PATJ: variants seen among roughly 807,000 people sequenced by gnomAD.
The protein encoded by PATJ is PATJ crumbs cell polarity complex component.
In PATJ, 190 loss-of-function variants were observed where a neutral mutation model predicts 224.9. The observed-to-expected ratio is 0.84, with a 90% CI of 0.75 to 0.95. The LOEUF is 0.95. Ranked by LOEUF, PATJ falls within the 40% of genes least tolerant of loss-of-function variation. The pLI is 0.00. For synonymous variants in PATJ, 769 were observed against 820.3 expected, an observed-to-expected ratio of 0.94 and a Z score of 1.07; for missense variants, 2,121 against 2,270.3, an observed-to-expected ratio of 0.93 and a Z score of 1.34.
In PATJ at chr1:61,771,594, A is replaced by G. The variant is rs768745497; in HGVS notation, c.688A>G (p.Ser230Gly). Residue 230 changes from serine to glycine, a missense_variant, in exon 6 of 44, where the codon AGC (serine) becomes GGC (glycine). Coordinates refer to ENST00000642238, the MANE Select transcript of PATJ (RefSeq NM_001350145.3). ...EPVHTKSSTS[S>G]SLNDTTLPET... Reference sequence around the variant, plus strand: ...AGTCCACACAAAAAGCAGTACTTCTAGCAGCCTAAATGATACAACTCTGCC... The same window carrying G: ...AGTCCACACAAAAAGCAGTACTTCTGGCAGCCTAAATGATACAACTCTGCC... 1 of 1,607,254 alleles carries G rather than the reference A, an allele frequency of 6.2e-7. No individual in the cohort carries two copies. The highest frequency in any genetic ancestry group is 8.5e-7 in the Non-Finnish European group (1 of 1,178,146).
At chr1:61,945,272 A>ACAGACT (rs1485104780) in intron 27 of PATJ, among the ~76,000 whole-genome samples, 6 of 152,330 alleles carry the variant, frequency 3.9e-5, no homozygotes, top group African/African-American at 1.4e-4. Flanking sequence ...ATTAAAAGAC[A>ACAGACT]CAGACTAGCA....
At chr1:62,029,968 C>T (rs1648892468) in intron 29 of PATJ, among the ~76,000 whole-genome samples, 1 of 152,150 alleles carries the variant, frequency 6.6e-6, no homozygotes, top group African/African-American at 2.4e-5. Context: ...TTTTCAGGCT[C>T]GGTTCCAGTG....
intron 27 of PATJ, among the ~76,000 whole-genome samples, chr1:61,948,112 A>T (rs1205739356): frequency 1.3e-5 from 2 of 152,234 alleles, no homozygotes; most frequent in Non-Finnish European, 2.9e-5. Flanking sequence ...TAAAAACCCT[A>T]GAAGAAAACC....
intron 26 of PATJ, among the ~76,000 whole-genome samples, chr1:61,920,026 AT>A (rs1016499459): frequency 2.0e-5 from 3 of 151,962 alleles, no homozygotes; most frequent in East Asian, 1.9e-4. Context: ...ATACTTACTG[AT>A]TTTTTTTGTT....
At chr1:61,867,855 CTAATATTATA>C (rs1344603081) in intron 20 of PATJ, among the ~76,000 whole-genome samples, 1 of 152,060 alleles carries the variant, frequency 6.6e-6, no homozygotes, top group Non-Finnish European at 1.5e-5. Flanking sequence ...ATAATATTAT[CTAATATTATA>C]AGCTCTGAGA....
intron 22 of PATJ, among the ~76,000 whole-genome samples, chr1:61,897,265 C>A (rs2498995): frequency 0.24 from 36,169 of 152,014 alleles, 4,952 homozygotes; most frequent in African/African-American, 0.37. Context: ...AAAGAACAAG[C>A]AAGTGATAGG....
At chr1:62,094,277 C>T (rs1661121903) in intron 33 of PATJ, among the ~76,000 whole-genome samples, 2 of 152,048 alleles carry the variant, frequency 1.3e-5, no homozygotes, top group Admixed American at 6.6e-5. Flanking sequence ...GCCCTGTGGT[C>T]CCAGCTACTT....
intron 28 of PATJ, among the ~76,000 whole-genome samples, chr1:62,003,809 G>A (rs1645934441): frequency 6.6e-6 from 1 of 152,166 alleles, no homozygotes; most frequent in South Asian, 2.1e-4. Flanking sequence ...CAATGGTTTG[G>A]AAAGTGGGCA....
intron 11 of PATJ, among the ~76,000 whole-genome samples, chr1:61,800,516 C>T (rs961090189): frequency 1.3e-5 from 2 of 152,070 alleles, no homozygotes; most frequent in Admixed American, 1.3e-4. Flanking sequence ...ATATTTTCTC[C>T]CATTCTGTAG....
At chr1:61,879,074 G>A (rs1390274507) in intron 21 of PATJ, among the ~76,000 whole-genome samples, 3 of 152,114 alleles carry the variant, frequency 2.0e-5, no homozygotes, top group Non-Finnish European at 2.9e-5. Context: ...GTGAGCCACC[G>A]CACCTGGCCA....
At chr1:61,964,092 C>CCCTTCCTT (rs902391580) in intron 27 of PATJ, among the ~76,000 whole-genome samples, 1 of 146,226 alleles carries the variant, frequency 6.8e-6, no homozygotes, top group Admixed American at 6.8e-5. Flanking sequence ...CTCCCTCCCT[C>CCCTTCCTT]CCTTCCTTCC....
intron 14 of PATJ, among the ~76,000 whole-genome samples, chr1:61,810,866 A>G (rs1354679276): frequency 6.6e-6 from 1 of 151,762 alleles, no homozygotes; most frequent in Admixed American, 6.6e-5. Flanking sequence ...GGATGTTGCA[A>G]TGAGCTGAGA....
At chr1:62,030,500 A>G (rs1246310854) in intron 29 of PATJ, among the ~76,000 whole-genome samples, 1 of 151,172 alleles carries the variant, frequency 6.6e-6, no homozygotes, top group Non-Finnish European at 1.5e-5. Context: ...GTCTTGTACT[A>G]CACATTATCA....
chr1:62,058,842 C>A (rs147652716), intron 31 of PATJ, among the ~76,000 whole-genome samples: 1 of 152,138 alleles, frequency 6.6e-6, no homozygotes, highest in Non-Finnish European at 1.5e-5. Context: ...CTTGGTCTAA[C>A]GCAGAGGTCA....
At chr1:61,796,838 CTCCTTCCTTCCG>C (rs1651420629) in intron 10 of PATJ, among the ~76,000 whole-genome samples, 1 of 148,272 alleles carries the variant, frequency 6.7e-6, no homozygotes, top group African/African-American at 2.5e-5. Context: ...CCCTCCCTCC[CTCCTTCCTTCCG>C]TCTTTCCTTC....
intron 1 of PATJ, among the ~76,000 whole-genome samples, chr1:61,758,234 A>G (rs1037460475): frequency 3.9e-5 from 6 of 152,192 alleles, no homozygotes; most frequent in African/African-American, 1.4e-4. Flanking sequence ...ACAGCTTCCA[A>G]AGAATTTCAC....
At chr1:62,143,406 T>C (rs1478103473) in intron 41 of PATJ, among the ~76,000 whole-genome samples, 2 of 151,176 alleles carry the variant, frequency 1.3e-5, no homozygotes, top group Non-Finnish European at 2.9e-5. Context: ...AGATGTCAAG[T>C]TGGCAATTGG....
intron 21 of PATJ, among the ~76,000 whole-genome samples, chr1:61,878,093 C>T (rs1458759263): frequency 6.6e-6 from 1 of 152,228 alleles, no homozygotes; most frequent in African/African-American, 2.4e-5. Context: ...ACTGCACCAA[C>T]CTATGCAACT....
chr1:61,972,990 A>G (rs1233347172), intron 27 of PATJ, among the ~76,000 whole-genome samples: 1 of 152,098 alleles, frequency 6.6e-6, no homozygotes, highest in Non-Finnish European at 1.5e-5. Context: ...GATTACCCAA[A>G]AAAGGTATTC....
Sources: gnomAD v4.1 joint callset for allele counts (sites outside exome capture counted in the v4.1 genomes callset) on GRCh38, gnomAD v4.1.1 for gene constraint, MANE v1.5 for transcripts, NCBI Gene and HGNC (gene_info 2026-07-23, HGNC 2026-07-21) for gene names.